The following MINK1 variants were observed in gnomAD, a reference collection of about 807,000 sequenced individuals.
The protein encoded by MINK1 is misshapen like kinase 1, also known as misshapen-like kinase 1.
Under a neutral mutation model 178.4 loss-of-function variants are expected in MINK1, and 46 were observed. That is an observed-to-expected ratio of 0.26 (90% CI 0.20 to 0.33). The LOEUF (loss-of-function observed/expected upper bound fraction) is 0.33, where lower values mean the gene tolerates loss of function less well. MINK1 is among the 10% of genes least tolerant of loss of function. MINK1 has a pLI of 1.00. For synonymous variants in MINK1, 797 were observed against 709.7 expected, an observed-to-expected ratio of 1.12 and a Z score of -1.96; for missense variants, 1,366 against 1,814.9, an observed-to-expected ratio of 0.75 and a Z score of 4.49.
chr17:4,851,479 C>G (rs529026930), intron 1 of MINK1, among the ~76,000 whole-genome samples: 1 of 152,172 alleles, frequency 6.6e-6, no homozygotes, highest in African/African-American at 2.4e-5. Flanking sequence ...CATCTTAGAG[C>G]CTTCCTGCTC....
chr17:4,856,423 C>T (rs1030543741), intron 1 of MINK1, among the ~76,000 whole-genome samples: 1 of 152,178 alleles, frequency 6.6e-6, no homozygotes, highest in Non-Finnish European at 1.5e-5. Context: ...CTCTCTCTTA[C>T]GTACTCACAC....
At chr17:4,846,960 G>A (rs1438515759) in intron 1 of MINK1, among the ~76,000 whole-genome samples, 3 of 152,190 alleles carry the variant, frequency 2.0e-5, no homozygotes, top group African/African-American at 2.4e-5. Flanking sequence ...CAGAGATCTC[G>A]TGTGAGATTG....
chr17:4,894,940 C>T lies in MINK1; in HGVS notation c.2918-135C>T, dbSNP rs751351439. On this transcript the variant is annotated intron_variant, in intron 24 of 31. Transcript: ENST00000355280. This position sits in a 1 kb window ranked among gnomAD's most constrained non-coding sequence, Gnocchi z 4.1. The stretch of plus-strand genomic sequence containing the variant: ...CAGCACTCTATCCCCCTCTCCCATG[C>T]ACCTCCTCTCCTCCTGTCTTTCTCC... 4 of 967,280 alleles carry T rather than the reference C, an allele frequency of 4.1e-6. No individual in the cohort carries two copies. The Admixed American group carries it at 7.4e-5, about 18-fold the overall frequency. The allele number at this position is 967,280 out of a possible 1,614,324, so 59.9% of individuals were successfully genotyped here. A position where few individuals can be genotyped will look rare whatever the true frequency, so the allele number is the denominator to read the frequency against.
chr17:4,877,223 G>T (rs981128079), intron 1 of MINK1, among the ~76,000 whole-genome samples: 6 of 152,278 alleles, frequency 3.9e-5, no homozygotes, highest in Middle Eastern at 3.4e-3. Context: ...CTGCCAGGAG[G>T]GTGTGGGTGG....
In MINK1 at chr17:4,885,797, G is replaced by A. The variant is rs1968147731; in HGVS notation, c.640-114G>A. 2.1e-6 allele frequency: 3 copies of A among 1,417,588 alleles called. No individual in the cohort carries two copies. The highest frequency in any genetic ancestry group is 2.9e-6 in the Non-Finnish European group (3 of 1,027,750). 87.8% of individuals were successfully genotyped at this position (1,417,588 alleles called of 1,614,324 possible). The stretch of plus-strand genomic sequence containing the variant: ...ATGGGATGGGTTGGAAGGCACTGCT[G>A]CAGGAATGGGTGTGGCCCAGGAAGG... On this transcript the variant is annotated intron_variant, in intron 7 of 31. Transcript: ENST00000355280. This position sits in a 1 kb window ranked among gnomAD's most constrained non-coding sequence, Gnocchi z 5.0.
intron 13 of MINK1, chr17:4,890,212 C>T (rs771680663): frequency 6.5e-6 from 8 of 1,229,214 alleles, no homozygotes; most frequent in East Asian, 4.0e-5. Context: ...CCCCACACCC[C>T]GTCCCCCAGG....
chr17:4,868,956 C>G (rs1394442711), intron 1 of MINK1: 1 of 185,136 alleles, frequency 5.4e-6, no homozygotes, highest in Non-Finnish European at 1.2e-5. Flanking sequence ...TGGAGTCTCG[C>G]TCTGTCGTGC....
In MINK1 at chr17:4,833,502, TGG is replaced by T; in HGVS notation, c.-78_-77del. On this transcript the variant is annotated 5_prime_UTR_variant, in exon 1 of 32. The change creates a premature stop within an existing upstream ORF in the 5' untranslated region. Coordinates refer to ENST00000355280, the MANE Select transcript of MINK1 (RefSeq NM_153827.5). The surrounding 1 kb of genome is among the most constrained non-coding windows in gnomAD (Gnocchi z 4.8). Reference sequence around the variant, plus strand: ...GGAGTCCGCCCCCGGGGTTCTCCGATGGGGGAGAAGCGGCGACGGCGGCAGTG... The same window carrying T: ...GGAGTCCGCCCCCGGGGTTCTCCGATGGGAGAAGCGGCGACGGCGGCAGTG... The T allele has an allele frequency of 8.4e-7, 1 of 1,188,192 alleles. No homozygotes were observed. Among genetic ancestry groups the T allele is most frequent in the South Asian group, 1.4e-5 (1 of 71,944 alleles). The allele number at this position is 1,188,192 out of a possible 1,614,324, so 73.6% of individuals were successfully genotyped here.
At position 4,863,839 on chromosome 17, in the gene MINK1, G is replaced by A. The variant is rs568371739; in HGVS notation, c.58-14478G>A. Among the ~76,000 whole-genome samples the A allele has an allele frequency of 9.9e-5, 15 of 152,066 alleles. No individual in the cohort carries two copies. In the South Asian group the frequency reaches 1.2e-3, roughly 13 times the overall value. ...GAGTCTCACTCTGTCACCCAGGCTG[G>A]AGTGCGGTGGCGCAATCTCGGCTCA... On this transcript the variant is annotated intron_variant, in intron 1 of 31. Coordinates refer to ENST00000355280, the MANE Select transcript of MINK1 (RefSeq NM_153827.5).
At chr17:4,876,305 A>T (rs1285738238) in intron 1 of MINK1, among the ~76,000 whole-genome samples, 1 of 152,146 alleles carries the variant, frequency 6.6e-6, no homozygotes, top group Non-Finnish European at 1.5e-5. Context: ...GTGAGCAAGG[A>T]GGGCTCAGTC....
chr17:4,893,917 C>T, intron 21 of MINK1, 71 bp from the exon 22 acceptor site: 1 of 1,278,504 alleles, frequency 7.8e-7, no homozygotes, highest in Non-Finnish European at 1.1e-6. Flanking sequence ...GCTCTGGCTG[C>T]CATCTGCTGC....
chr17:4,834,777 A>T, intron 1 of MINK1: 1 of 519,968 alleles, frequency 1.9e-6, no homozygotes, highest in Non-Finnish European at 3.8e-6. Flanking sequence ...TCCCATCTCT[A>T]GGTTCGCTTC....
chr17:4,894,980 T>C lies in MINK1; in HGVS notation c.2918-95T>C. ...TGTCTTTCTCCTCCTTTCTGCGTAT[T>C]ATGAGGTGCCAAGACCTGATATAGG... On this transcript the variant is annotated intron_variant, in intron 24 of 31. Transcript: ENST00000355280. The surrounding 1 kb of genome is among the most constrained non-coding windows in gnomAD (Gnocchi z 4.1). 7.6e-7 allele frequency: 1 copy of C among 1,323,056 alleles called. No individual in the cohort carries two copies. The highest frequency in any genetic ancestry group is 1.0e-6 in the Non-Finnish European group (1 of 954,044). 82.0% of individuals were successfully genotyped at this position (1,323,056 alleles called of 1,614,324 possible). A position where few individuals can be genotyped will look rare whatever the true frequency, so the allele number is the denominator to read the frequency against.
At chr17:4,867,659 G>T (rs1162695755) in intron 1 of MINK1, among the ~76,000 whole-genome samples, 1 of 151,938 alleles carries the variant, frequency 6.6e-6, no homozygotes, top group Non-Finnish European at 1.5e-5. Flanking sequence ...AATTAGCCAG[G>T]TATGGTGGTC....
chr17:4,890,058 T>A, intron 13 of MINK1: 2 of 434,916 alleles, frequency 4.6e-6, no homozygotes, highest in African/African-American at 2.6e-5. Context: ...CATGGCCCCC[T>A]GGGGCTCATG....
At chr17:4,891,226 C>CACACACT in intron 15 of MINK1, 102 bp downstream of exon 15, 1 of 848,260 alleles carries the variant, frequency 1.2e-6, no homozygotes, top group South Asian at 3.4e-5. Context: ...ACACACACAC[C>CACACACT]TGCTCAGCCG....
intron 1 of MINK1, among the ~76,000 whole-genome samples, chr17:4,862,024 C>T (rs1914247346): frequency 6.6e-6 from 1 of 152,140 alleles, no homozygotes; most frequent in Non-Finnish European, 1.5e-5. Flanking sequence ...CCGCCTAATT[C>T]TCATTCCATG....
chr17:4,854,737 A>T (rs752785698), intron 1 of MINK1: 2 of 490,310 alleles, frequency 4.1e-6, no homozygotes, highest in Admixed American at 4.3e-5. Flanking sequence ...TCCCATAAAA[A>T]CACTTCAAAA....
At chr17:4,869,265 T>A (rs1220199910) in intron 1 of MINK1, among the ~76,000 whole-genome samples, 1 of 25,224 alleles carries the variant, frequency 4.0e-5, no homozygotes, top group Non-Finnish European at 2.2e-4. Context: ...TATTTATTTA[T>A]TTATTTATTT....
Sources: gnomAD v4.1 joint callset for allele counts (sites outside exome capture counted in the v4.1 genomes callset) on GRCh38, gnomAD v4.1.1 for gene constraint, Gnocchi (gnomAD v3.1) non-coding constraint, MANE v1.5 for transcripts, NCBI Gene and HGNC (gene_info 2026-07-23, HGNC 2026-07-21) for gene names.